Variants in LYST observed in about 807,000 individuals in gnomAD.
LYST encodes the protein lysosomal-trafficking regulator.
Under a neutral mutation model 413.6 loss-of-function variants are expected in LYST, and 192 were observed. The observed-to-expected ratio is 0.46, with a 90% CI of 0.41 to 0.52. The LOEUF (loss-of-function observed/expected upper bound fraction) is 0.52, where lower values mean the gene tolerates loss of function less well. Ranked by LOEUF, LYST falls within the 20% of genes least tolerant of loss-of-function variation. The pLI is 0.00. For missense variants in LYST, 3,815 were observed against 4,499.9 expected, an observed-to-expected ratio of 0.85 and a Z score of 4.35; for synonymous variants, 1,525 against 1,567.3, an observed-to-expected ratio of 0.97 and a Z score of 0.64.
intron 1 of LYST, among the ~76,000 whole-genome samples, chr1:235,866,586 C>T (rs1337129273): frequency 1.3e-5 from 2 of 152,222 alleles, no homozygotes; most frequent in Non-Finnish European, 2.9e-5. Flanking sequence ...CAGCCGAGCT[C>T]CCGCCCGCGG....
intron 8 of LYST, 61 bp from the exon 9 acceptor site, chr1:235,801,158 A>T: frequency 9.1e-7 from 1 of 1,093,688 alleles, no homozygotes; most frequent in Non-Finnish European, 1.4e-6. Flanking sequence ...TTCAAACTTC[A>T]TTAATCATTT....
At chr1:235,807,438 G>T (rs560818493) in intron 5 of LYST, among the ~76,000 whole-genome samples, 2 of 152,144 alleles carry the variant, frequency 1.3e-5, no homozygotes, top group Non-Finnish European at 2.9e-5. Context: ...TCATCACAAA[G>T]ATTCAGGTTG....
At chr1:235,703,023 A>G (rs1661670405) in intron 44 of LYST, 46 bp from the exon 45 acceptor site, 1 of 1,332,668 alleles carries the variant, frequency 7.5e-7, no homozygotes. Flanking sequence ...TAGTAAAAAG[A>G]AAGACTTGAC....
chr1:235,681,198 C>A (rs2103044651), intron 48 of LYST, among the ~76,000 whole-genome samples: 1 of 152,210 alleles, frequency 6.6e-6, no homozygotes, highest in Middle Eastern at 3.4e-3. Flanking sequence ...GAAGAACTGG[C>A]AGAATTTACT....
chr1:235,741,992 A>T (rs1456239951), intron 30 of LYST, among the ~76,000 whole-genome samples: 1 of 152,228 alleles, frequency 6.6e-6, no homozygotes, highest in Non-Finnish European at 1.5e-5. Flanking sequence ...ATTATGCTAA[A>T]TAAAATAAGC....
At chr1:235,838,108 T>C (rs932574820) in intron 1 of LYST, among the ~76,000 whole-genome samples, 7 of 152,094 alleles carry the variant, frequency 4.6e-5, no homozygotes, top group Non-Finnish European at 8.8e-5. Context: ...TATTTGGCAA[T>C]AGGAGGACCA....
At chr1:235,870,816 A>G (rs1306575533), upstream of LYST, among the ~76,000 whole-genome samples, 1 of 152,238 alleles carries the variant, frequency 6.6e-6, no homozygotes. Flanking sequence ...ATAAATAGTT[A>G]AATTAAGAAA....
chr1:235,858,276 G>C (rs1272156546), intron 1 of LYST, among the ~76,000 whole-genome samples: 1 of 152,158 alleles, frequency 6.6e-6, no homozygotes, highest in Non-Finnish European at 1.5e-5. Context: ...CTGAGCTCCA[G>C]TTTCCTCATC....
At chr1:235,707,699 T>A (rs1284873605) in intron 44 of LYST, among the ~76,000 whole-genome samples, 3 of 152,164 alleles carry the variant, frequency 2.0e-5, no homozygotes, top group Non-Finnish European at 4.4e-5. Flanking sequence ...AGTAAAGATG[T>A]ACATAAAAAT....
intron 1 of LYST, among the ~76,000 whole-genome samples, chr1:235,877,470 C>A (rs1681187968): frequency 6.6e-6 from 1 of 152,122 alleles, no homozygotes; most frequent in Admixed American, 6.5e-5. Flanking sequence ...TGCAATGACA[C>A]GATCTCCCTC....
chr1:235,701,121 G>T (rs1661509296), intron 45 of LYST, among the ~76,000 whole-genome samples: 1 of 152,100 alleles, frequency 6.6e-6, no homozygotes, highest in African/African-American at 2.4e-5. Context: ...AGCAAACTGG[G>T]GATATATCTG....
chr1:235,783,886 TTC>T (rs373945489), intron 14 of LYST, among the ~76,000 whole-genome samples: 4,458 of 112,368 alleles, frequency 0.04, 195 homozygotes, highest in African/African-American at 0.2. Flanking sequence ...CTTTTTTTTT[TTC>T]TTTTAAATTG....
chr1:235,762,281 A>G (rs1667670701), intron 22 of LYST, among the ~76,000 whole-genome samples: 1 of 152,208 alleles, frequency 6.6e-6, no homozygotes, highest in Non-Finnish European at 1.5e-5. Context: ...GCTTGAAAGC[A>G]TTCTTGATGA....
Position 235,751,326 on chromosome 1 carries a change from G to A in LYST, c.7664C>T (p.Ala2555Val). ...GGTGGTCCTTATAAATTCCATAGCA[G>A]CCTGGAGAACTCTAAGCTGTAGTGC... ...AVALQLRVLQ[A>V]AMEFIRTTAN... Residue 2555 changes from alanine to valine, a missense_variant, in exon 28 of 53, where the codon GCT becomes GTT. Transcript: ENST00000389793. 1 of 1,613,484 alleles carries A rather than the reference G, an allele frequency of 6.2e-7. No individual in the cohort carries two copies. Among genetic ancestry groups the A allele is most frequent in the Non-Finnish European group, 8.5e-7 (1 of 1,179,522 alleles).
Position 235,664,765 on chromosome 1 carries a change from A to C in LYST, c.11039-144T>G. On this transcript the variant is annotated intron_variant, in intron 50 of 52. Transcript: ENST00000389793. This position sits in a 1 kb window ranked among gnomAD's most constrained non-coding sequence, Gnocchi z 4.5. ...ACAACCCATGACTGAAGACTGTATA[A>C]ATGAAATTACTACACAAGTTGCACA... is the stretch of plus-strand genomic sequence containing the variant. 1.4e-6 allele frequency: 1 copy of C among 721,956 alleles called. No homozygotes were observed. Among genetic ancestry groups the C allele is most frequent in the Non-Finnish European group, 2.4e-6 (1 of 408,468 alleles). 44.7% of individuals were successfully genotyped at this position (721,956 alleles called of 1,614,324 possible). A position where few individuals can be genotyped will look rare whatever the true frequency, so the allele number is the denominator to read the frequency against.
At chr1:235,680,825 C>G (rs148056887) in intron 48 of LYST, among the ~76,000 whole-genome samples, 4,703 of 152,248 alleles carry the variant, frequency 0.031, 100 homozygotes, top group Non-Finnish European at 0.048. Context: ...TCTCGAACTC[C>G]TGACCTCAGG....
chr1:235,690,772 G>A (rs1393747530), intron 47 of LYST, among the ~76,000 whole-genome samples: 1 of 152,156 alleles, frequency 6.6e-6, no homozygotes, highest in Non-Finnish European at 1.5e-5. Flanking sequence ...TGTTATGCAG[G>A]TAATGGAAAT....
At chr1:235,666,386 T>C (rs1401172499) in intron 50 of LYST, among the ~76,000 whole-genome samples, 3 of 152,070 alleles carry the variant, frequency 2.0e-5, no homozygotes, top group South Asian at 2.1e-4. Flanking sequence ...TGATTCCACT[T>C]ACATAAAATA....
intron 1 of LYST, among the ~76,000 whole-genome samples, chr1:235,859,246 T>C (rs1337504716): frequency 4.6e-5 from 7 of 152,192 alleles, no homozygotes; most frequent in Admixed American, 3.9e-4. Flanking sequence ...TTCCTCTCGT[T>C]ACATTTGATC....
Sources: gnomAD v4.1 joint callset for allele counts (sites outside exome capture counted in the v4.1 genomes callset) on GRCh38, gnomAD v4.1.1 for gene constraint, Gnocchi (gnomAD v3.1) non-coding constraint, MANE v1.5 for transcripts, NCBI Gene and HGNC (gene_info 2026-07-23, HGNC 2026-07-21) for gene names.